SYK: variants seen among roughly 807,000 people sequenced by gnomAD.
SYK encodes the protein tyrosine-protein kinase SYK.
In SYK, 16 loss-of-function variants were observed where a neutral mutation model predicts 77.8. That is an observed-to-expected ratio of 0.21 (90% CI 0.14 to 0.31). SYK has a LOEUF of 0.31. Ranked by LOEUF, SYK falls within the 10% of genes least tolerant of loss-of-function variation. The pLI is 1.00. For synonymous variants in SYK, 312 were observed against 308.7 expected, an observed-to-expected ratio of 1.01 and a Z score of -0.11; for missense variants, 529 against 814.4, an observed-to-expected ratio of 0.65 and a Z score of 4.26.
chr9:90,851,680 A>G (rs1435303807), intron 3 of SYK, among the ~76,000 whole-genome samples: 2 of 152,174 alleles, frequency 1.3e-5, no homozygotes, highest in South Asian at 2.1e-4. Flanking sequence ...CCCTGCCCCC[A>G]GAGGCCTTGT....
At chr9:90,819,382 ATTT>A (rs1271371730) in intron 1 of SYK, among the ~76,000 whole-genome samples, 1 of 152,176 alleles carries the variant, frequency 6.6e-6, no homozygotes, top group Non-Finnish European at 1.5e-5. Context: ...GTATTAGTTC[ATTT>A]TCCCACTGCT....
At position 90,857,186 on chromosome 9, in the gene SYK, G is replaced by A. The variant is rs564891381; in HGVS notation, c.579-5020G>A. On this transcript the variant is annotated intron_variant, in intron 3 of 13. Coordinates refer to ENST00000375754, the MANE Select transcript of SYK (RefSeq NM_003177.7). ...GAATGAGACTGTGTTAGGCTGTCAC[G>A]AGCCTCCTTTGCCACAACAAAAACT... Among the ~76,000 whole-genome samples the A allele has an allele frequency of 1.5e-4, 23 of 152,330 alleles. No individual in the cohort carries two copies. The South Asian group carries it at 3.5e-3, about 23-fold the overall frequency.
Position 90,843,842 on chromosome 9 carries a change from T to G in SYK, c.-41-16T>G. On this transcript the variant is annotated splice_polypyrimidine_tract_variant and intron_variant, in intron 1 of 13. Transcript: ENST00000375754. The stretch of plus-strand genomic sequence containing the variant: ...GTGGGGTCCTCACCAAAGTTCTCTG[T>G]CTCTGTCTTGCCCAGGTGGACACCT... 1 of 1,421,640 alleles carries G rather than the reference T, an allele frequency of 7.0e-7. No homozygotes were observed. The highest frequency in any genetic ancestry group is 9.2e-7 in the Non-Finnish European group (1 of 1,089,130). The allele number at this position is 1,421,640 out of a possible 1,614,324, so 88.1% of individuals were successfully genotyped here. A position where few individuals can be genotyped will look rare whatever the true frequency, so the allele number is the denominator to read the frequency against.
intron 3 of SYK, among the ~76,000 whole-genome samples, chr9:90,846,958 G>A (rs1826622162): frequency 6.6e-6 from 1 of 152,210 alleles, no homozygotes; most frequent in South Asian, 2.1e-4. Flanking sequence ...ACCCAAAATA[G>A]CATAATCCAC....
intron 1 of SYK, among the ~76,000 whole-genome samples, chr9:90,830,881 G>A (rs983955225): frequency 2.6e-5 from 4 of 151,988 alleles, no homozygotes; most frequent in South Asian, 2.1e-4. Context: ...CACCACACCC[G>A]GCCTCCTCTT....
intron 1 of SYK, among the ~76,000 whole-genome samples, chr9:90,831,748 C>T (rs1300149050): frequency 1.3e-5 from 2 of 152,204 alleles, no homozygotes; most frequent in African/African-American, 4.8e-5. Flanking sequence ...ACGTTGAGGT[C>T]GCACAAGGTG....
At chr9:90,809,993 A>G (rs1213557944) in intron 1 of SYK, among the ~76,000 whole-genome samples, 2 of 152,250 alleles carry the variant, frequency 1.3e-5, no homozygotes, top group East Asian at 3.9e-4. Flanking sequence ...CTCAGGCTAG[A>G]AAGGCAAGCG....
chr9:90,885,225 A>G (rs1828517622), intron 11 of SYK, among the ~76,000 whole-genome samples: 1 of 152,118 alleles, frequency 6.6e-6, no homozygotes, highest in Non-Finnish European at 1.5e-5. Context: ...CAAAATATTG[A>G]TTTTAAAGAA....
chr9:90,886,002 C>A (rs1828559226), intron 11 of SYK, among the ~76,000 whole-genome samples: 1 of 152,172 alleles, frequency 6.6e-6, no homozygotes. Context: ...GAATTCATCA[C>A]CACTAGACTG....
chr9:90,854,963 T>C (rs1826963594), intron 3 of SYK, among the ~76,000 whole-genome samples: 1 of 150,644 alleles, frequency 6.6e-6, no homozygotes, highest in Admixed American at 6.6e-5. Flanking sequence ...ATCCCCTCAC[T>C]TCTTCCCCCT....
At chr9:90,818,774 A>C (rs1825395861) in intron 1 of SYK, among the ~76,000 whole-genome samples, 1 of 152,266 alleles carries the variant, frequency 6.6e-6, no homozygotes. Context: ...AGTGGAGAGT[A>C]ATCTGCTCAA....
chr9:90,843,536 A>G (rs376406478), intron 1 of SYK, among the ~76,000 whole-genome samples: 2 of 152,172 alleles, frequency 1.3e-5, no homozygotes, highest in East Asian at 3.8e-4. Flanking sequence ...CCTGTTTTGC[A>G]ATAGCCCTTC....
chr9:90,817,897 G>A (rs1825353811), intron 1 of SYK, among the ~76,000 whole-genome samples: 1 of 151,774 alleles, frequency 6.6e-6, no homozygotes, highest in Non-Finnish European at 1.5e-5. Context: ...GAGAGAGAGA[G>A]AGAGAGAGAG....
chr9:90,887,405 C>CTTTTTTT (rs3056951), intron 11 of SYK, among the ~76,000 whole-genome samples: 57 of 128,930 alleles, frequency 4.4e-4, no homozygotes, highest in East Asian at 1.3e-3. Flanking sequence ...TTCTTTCTTT[C>CTTTTTTT]TTTTTTTTTT....
At chr9:90,819,360 C>A (rs1825421318) in intron 1 of SYK, among the ~76,000 whole-genome samples, 2 of 152,156 alleles carry the variant, frequency 1.3e-5, no homozygotes, top group Admixed American at 6.5e-5. Flanking sequence ...CATTTGAGGT[C>A]ATACACACAG....
At chr9:90,807,661 A>G (rs1824891091) in intron 1 of SYK, among the ~76,000 whole-genome samples, 1 of 152,222 alleles carries the variant, frequency 6.6e-6, no homozygotes. Flanking sequence ...CAATTGCCAA[A>G]GTTAGTTTCT....
At position 90,844,237 on chromosome 9, in the gene SYK, G is replaced by A; in HGVS notation, c.339G>A (p.Val113=). Residue 113 remains valine (V), a synonymous_variant, in exon 2 of 14, where the codon GTG becomes GTA. Coordinates refer to ENST00000375754, the MANE Select transcript of SYK (RefSeq NM_003177.7). ...LKKPFNRPQG[V]QPKTGPFEDL... ...AGCCCTTCAACCGGCCCCAAGGGGTGCAGCCCAAGACTGGGCCCTTTGAGG... is the reference window on the plus strand; with the variant it reads ...AGCCCTTCAACCGGCCCCAAGGGGTACAGCCCAAGACTGGGCCCTTTGAGG... The A allele has an allele frequency of 6.2e-7, 1 of 1,614,206 alleles. No homozygotes were observed. The highest frequency in any genetic ancestry group is 8.5e-7 in the Non-Finnish European group (1 of 1,180,016).
intron 9 of SYK, 108 bp from the exon 10 acceptor site, chr9:90,877,463 G>A (rs1372819091): frequency 3.2e-6 from 4 of 1,244,734 alleles, no homozygotes; most frequent in African/African-American, 1.5e-5. Flanking sequence ...TCTGTGGCAG[G>A]TATTTCCGTG....
chr9:90,861,770 C>T (rs1198327340), intron 3 of SYK, among the ~76,000 whole-genome samples: 1 of 152,216 alleles, frequency 6.6e-6, no homozygotes, highest in East Asian at 1.9e-4. Flanking sequence ...AGCTGTCCAT[C>T]TTGGATCTAA....
Sources: allele counts gnomAD v4.1 joint callset (sites outside exome capture counted in the v4.1 genomes callset), GRCh38; gene constraint gnomAD v4.1.1; transcripts MANE v1.5; gene names NCBI Gene and HGNC (gene_info 2026-07-23, HGNC 2026-07-21).